SLC4A4: variants seen among roughly 807,000 people sequenced by gnomAD.
SLC4A4 encodes the protein electrogenic sodium bicarbonate cotransporter 1.
In SLC4A4, 27 loss-of-function variants were observed where a neutral mutation model predicts 111.5. The observed-to-expected ratio is 0.24, with a 90% CI of 0.18 to 0.33. The LOEUF (loss-of-function observed/expected upper bound fraction) is 0.33. SLC4A4 is among the 10% of genes least tolerant of loss of function. SLC4A4 has a pLI of 1.00. For synonymous variants in SLC4A4, 443 were observed against 463.4 expected, an observed-to-expected ratio of 0.96 and a Z score of 0.57; for missense variants, 909 against 1,315.5, an observed-to-expected ratio of 0.69 and a Z score of 4.78.
chr4:71,151,223 C>A (rs1420839374), intron 2 of SLC4A4, among the ~76,000 whole-genome samples: 1 of 152,208 alleles, frequency 6.6e-6, no homozygotes, highest in Non-Finnish European at 1.5e-5. Context: ...TTGCTGCCAA[C>A]CTCTTCCAAT....
At chr4:71,187,689 G>A (rs1455987310) in intron 1 of SLC4A4, among the ~76,000 whole-genome samples, 1 of 152,216 alleles carries the variant, frequency 6.6e-6, no homozygotes, top group Non-Finnish European at 1.5e-5. Context: ...GCGCGCAACT[G>A]GGCGTCTTTA....
At position 71,236,475 on chromosome 4, in the gene SLC4A4, A is replaced by G. The variant is rs1719817157; in HGVS notation, c.-1-101A>G. ...AGAGTGACTCTGCCCTGCTAACATG[A>G]ACAACAGCTTGCAGGTTAACCTGCC... On this transcript the variant is annotated intron_variant, in intron 1 of 25. Transcript: ENST00000264485. 2.8e-6 allele frequency: 3 copies of G among 1,063,080 alleles called. No homozygotes were observed. In the African/African-American group the frequency reaches 4.7e-5, roughly 17 times the overall value. 65.9% of individuals were successfully genotyped at this position (1,063,080 alleles called of 1,614,324 possible).
chr4:71,305,206 T>C (rs1037061354), intron 3 of SLC4A4, among the ~76,000 whole-genome samples: 3 of 152,228 alleles, frequency 2.0e-5, no homozygotes, highest in East Asian at 3.8e-4. Context: ...ATTTGGATCT[T>C]TGAATGCACA....
intron 11 of SLC4A4, 22 bp downstream of exon 11, chr4:71,451,323 C>T: frequency 7.1e-7 from 1 of 1,410,122 alleles, no homozygotes; most frequent in Non-Finnish European, 1.0e-6. Context: ...TTTCCTTTGC[C>T]ATTCATGATG....
intron 3 of SLC4A4, among the ~76,000 whole-genome samples, chr4:71,310,255 A>T (rs747961683): frequency 9.2e-5 from 14 of 152,132 alleles, no homozygotes; most frequent in Admixed American, 2.6e-4. Context: ...ATTGGAAAAC[A>T]TACTTAAGGA....
At chr4:71,460,909 T>C (rs562348598) in intron 12 of SLC4A4, among the ~76,000 whole-genome samples, 12 of 152,258 alleles carry the variant, frequency 7.9e-5, no homozygotes, top group Admixed American at 2.0e-4. Context: ...ATGACTCTCA[T>C]GTGACCCAAA....
chr4:71,511,720 C>T (rs1422615928), intron 16 of SLC4A4, among the ~76,000 whole-genome samples: 5 of 151,974 alleles, frequency 3.3e-5, no homozygotes, highest in East Asian at 3.9e-4. Context: ...GAATTTGATC[C>T]TTCTGTCTGT....
intron 3 of SLC4A4, among the ~76,000 whole-genome samples, chr4:71,259,636 G>A (rs773410705): frequency 2.0e-5 from 3 of 152,036 alleles, no homozygotes; most frequent in Non-Finnish European, 4.4e-5. Flanking sequence ...CCTCCACTGT[G>A]CATTTTTTTT....
chr4:71,183,189 CTTGACA>C (rs1745355137), upstream of SLC4A4, among the ~76,000 whole-genome samples: 2 of 152,130 alleles, frequency 1.3e-5, no homozygotes, highest in Admixed American at 6.6e-5. Flanking sequence ...ACCTGCCTTC[CTTGACA>C]TTAACTGAGA....
Position 71,418,834 on chromosome 4 carries a change from T to C in SLC4A4, c.807+21181T>C, listed in dbSNP as rs370500251. On this transcript the variant is annotated intron_variant, in intron 7 of 25. Transcript: ENST00000264485. Reference sequence around the variant, plus strand: ...TAGAATAAAAGGTAATATCTACTTTTGGTCTTTGATGATGGTGATGTACAG... The same window carrying C: ...TAGAATAAAAGGTAATATCTACTTTCGGTCTTTGATGATGGTGATGTACAG... Among the ~76,000 whole-genome samples the C allele has an allele frequency of 2.0e-5, 3 of 152,226 alleles. No homozygotes were observed. The East Asian group carries it at 5.8e-4, about 29-fold the overall frequency.
chr4:71,091,209 A>G (rs1368817330), intron 1 of SLC4A4, among the ~76,000 whole-genome samples: 1 of 151,366 alleles, frequency 6.6e-6, no homozygotes, highest in African/African-American at 2.4e-5. Context: ...TGGCCTTTCA[A>G]AGCATTGGGT....
intron 1 of SLC4A4, among the ~76,000 whole-genome samples, chr4:71,225,927 A>G (rs1719020498): frequency 6.6e-6 from 1 of 152,214 alleles, no homozygotes; most frequent in East Asian, 1.9e-4. Context: ...ATAATTTATC[A>G]CTGACTGTGT....
chr4:71,250,875 A>G (rs554580929), intron 2 of SLC4A4, among the ~76,000 whole-genome samples: 1 of 152,344 alleles, frequency 6.6e-6, no homozygotes, highest in African/African-American at 2.4e-5. Flanking sequence ...AACACTTCAT[A>G]CAAAGTTAAA....
chr4:71,305,794 T>C lies in SLC4A4; in HGVS notation c.254-33576T>C, dbSNP rs146101214. Among the ~76,000 whole-genome samples the C allele has an allele frequency of 1.7e-3, 258 of 152,320 alleles. 2 individuals carry two copies. The highest frequency in any genetic ancestry group is 6.0e-3 in the African/African-American group (251 of 41,580). ...CTAACACGTGGCGTCTATTCCCGCA[T>C]GGGCCAAGGAACTTATAGCCTAATG... On this transcript the variant is annotated intron_variant, in intron 3 of 25. Transcript: ENST00000264485.
intron 16 of SLC4A4, among the ~76,000 whole-genome samples, chr4:71,517,421 A>G (rs1297442368): frequency 6.6e-6 from 1 of 151,808 alleles, no homozygotes; most frequent in Non-Finnish European, 1.5e-5. Context: ...TTTTGGCTCC[A>G]GAATTTCTAT....
chr4:71,135,295 T>TC (rs1349780054), intron 2 of SLC4A4, among the ~76,000 whole-genome samples: 1 of 70,736 alleles, frequency 1.4e-5, no homozygotes, highest in Non-Finnish European at 3.0e-5. Context: ...CACAATCTAC[T>TC]CTTTTTTTTT....
chr4:71,376,303 G>A (rs1043825024), intron 6 of SLC4A4, among the ~76,000 whole-genome samples: 3 of 150,770 alleles, frequency 2.0e-5, no homozygotes, highest in South Asian at 4.2e-4. Flanking sequence ...TCGGGTTCAC[G>A]CCATTCTCCT....
chr4:71,450,689 T>C, intron 10 of SLC4A4, 146 bp downstream of exon 10: 1 of 739,064 alleles, frequency 1.4e-6, no homozygotes, highest in South Asian at 1.7e-5. Flanking sequence ...ATGGATCACT[T>C]ATGTGCCTTG....
chr4:71,468,143 T>A (rs1727550480), intron 13 of SLC4A4, among the ~76,000 whole-genome samples: 1 of 152,056 alleles, frequency 6.6e-6, no homozygotes, highest in Non-Finnish European at 1.5e-5. Flanking sequence ...TGTAGGTAAT[T>A]ATTATTATAA....
Sources: allele counts gnomAD v4.1 joint callset (sites outside exome capture counted in the v4.1 genomes callset), GRCh38; gene constraint gnomAD v4.1.1; transcripts MANE v1.5; gene names NCBI Gene and HGNC (gene_info 2026-07-23, HGNC 2026-07-21).